The following KCNQ2 variants were observed in gnomAD, a reference collection of about 807,000 sequenced individuals.
KCNQ2 encodes potassium voltage-gated channel subfamily Q member 2.
A neutral mutation model predicts 84.8 loss-of-function variants in KCNQ2; 14 were observed. The observed-to-expected ratio is 0.17, with a 90% CI of 0.11 to 0.26. KCNQ2 has a LOEUF of 0.26. Ranked by LOEUF, KCNQ2 falls within the 10% of genes least tolerant of loss-of-function variation. The probability of loss-of-function intolerance (pLI) is 1.00; values close to 1 mark genes in which losing one functional copy is unlikely to be tolerated. For synonymous variants in KCNQ2, 599 were observed against 554.1 expected (o/e 1.08, Z -1.14); for missense variants, 788 against 1,254.0 (o/e 0.63, Z 5.61).
At chr20:63,448,834 T>TG (rs1180430386) in intron 1 of KCNQ2, among the ~76,000 whole-genome samples, 13 of 152,008 alleles carry the variant, frequency 8.6e-5, no homozygotes, top group Non-Finnish European at 1.3e-4. Context: ...ATGGGCATCC[T>TG]GGGGGGGAGT....
intron 1 of KCNQ2, among the ~76,000 whole-genome samples, chr20:63,458,650 G>A (rs753435502): frequency 2.6e-5 from 4 of 152,270 alleles, no homozygotes; most frequent in Admixed American, 6.5e-5. Context: ...TCGCCCTCCC[G>A]GAGGCAGGAC....
In KCNQ2 at chr20:63,447,893, G is replaced by C. The variant is rs6010937; in HGVS notation, c.297-1056C>G. Among the ~76,000 whole-genome samples, 238 of 152,270 alleles carry C rather than the reference G, an allele frequency of 1.6e-3. 1 individual carries two copies. Among genetic ancestry groups the C allele is most frequent in the African/African-American group, 4.7e-3 (195 of 41,542 alleles). On this transcript the variant is annotated intron_variant, in intron 1 of 16. Transcript: ENST00000359125. ...ATTACAGTCATGAGCTACCATGCTC[G>C]GCCCAAATGCGTGACTTTTTCTCAG...
At chr20:63,439,390 C>T (rs1261496653) in intron 6 of KCNQ2, among the ~76,000 whole-genome samples, 5 of 152,196 alleles carry the variant, frequency 3.3e-5, no homozygotes, top group Admixed American at 2.6e-4. Context: ...ATGCTCCTGT[C>T]GGGGCTGGGG....
chr20:63,408,115 G>A lies in KCNQ2; in HGVS notation c.1887+298C>T, dbSNP rs1030355653. On this transcript the variant is annotated intron_variant, in intron 16 of 16. Coordinates refer to ENST00000359125, the MANE Select transcript of KCNQ2 (RefSeq NM_172107.4). This position sits in a 1 kb window ranked among gnomAD's most constrained non-coding sequence, Gnocchi z 5.0. ...GAAGGCCAGGCAGGTACAACTTCCGGCACGTTCCACAAGGAACCCCTGAGG... is the reference window on the plus strand; with the variant it reads ...GAAGGCCAGGCAGGTACAACTTCCGACACGTTCCACAAGGAACCCCTGAGG... 4.9e-5 allele frequency: 21 copies of A among 426,762 alleles called. 1 individual carries two copies. The highest frequency in any genetic ancestry group is 8.8e-5 in the Non-Finnish European group (20 of 227,938). The allele number at this position is 426,762 out of a possible 1,614,324, so 26.4% of individuals were successfully genotyped here.
chr20:63,467,166 A>G (rs1006171709), intron 1 of KCNQ2, among the ~76,000 whole-genome samples: 1 of 151,680 alleles, frequency 6.6e-6, no homozygotes, highest in African/African-American at 2.4e-5. Context: ...CGGAGGGCCC[A>G]GGGCACAGGC....
chr20:63,472,378 G>A lies in KCNQ2; in HGVS notation c.86C>T (p.Pro29Leu). The stretch of plus-strand genomic sequence containing the variant: ...GTCCCGGGTGGAGTCGGGCGCGCCG[G>A]GGTCCAGCCCCACGAAGCCCACCTT... ...KLKVGFVGLD[P>L]GAPDSTRDGA... Residue 29 changes from proline to leucine, a missense_variant, in exon 1 of 17, where the codon CCC becomes CTC. Pro to Leu is a moderately conservative substitution (Grantham distance 98). Around this residue, in one of 8 missense-constraint regions of KCNQ2, gnomAD observed 41 missense variants for 41.2 expected, o/e 0.99. Coordinates refer to ENST00000359125, the MANE Select transcript of KCNQ2 (RefSeq NM_172107.4). 6.5e-7 allele frequency: 1 copy of A among 1,535,330 alleles called. No individual in the cohort carries two copies. The highest frequency in any genetic ancestry group is 1.4e-5 in the African/African-American group (1 of 70,976).
intron 1 of KCNQ2, among the ~76,000 whole-genome samples, chr20:63,468,678 C>T (rs1284475386): frequency 1.3e-5 from 2 of 152,264 alleles, no homozygotes; most frequent in Non-Finnish European, 2.9e-5. Flanking sequence ...GCCCCTAAAA[C>T]CCTGGACCCC....
At chr20:63,445,503 C>CCCCCCAAGGG in intron 2 of KCNQ2, 139 bp from the exon 3 acceptor site, 1 of 857,392 alleles carries the variant, frequency 1.2e-6, no homozygotes, top group Non-Finnish European at 1.8e-6. Flanking sequence ...GCAAGCTGAC[C>CCCCCCAAGGG]CCCCCACCCC....
rs761862856 is a variant in KCNQ2 at position 63,445,368 on chromosome 20, C to G, written c.388-4G>C. The G allele has an allele frequency of 6.2e-7, 1 of 1,613,360 alleles. No homozygotes were observed. Among genetic ancestry groups the G allele is most frequent in the Non-Finnish European group, 8.5e-7 (1 of 1,179,808 alleles). On this transcript the variant is annotated splice_polypyrimidine_tract_variant and splice_region_variant and intron_variant, in intron 2 of 16. Coordinates refer to ENST00000359125, the MANE Select transcript of KCNQ2 (RefSeq NM_172107.4). The stretch of plus-strand genomic sequence containing the variant: ...ACACCACGATAGTCACGATTTCCTG[C>G]AGGGGAGGAAAGCTGAGGCCACCTT...
In KCNQ2 at chr20:63,402,015, T is replaced by C; in HGVS notation, c.*4629A>G. 1 of 148,442 alleles carries C rather than the reference T, an allele frequency of 6.7e-6. No homozygotes were observed. The highest frequency in any genetic ancestry group is 1.3e-5 in the Non-Finnish European group (1 of 74,236). 9.2% of individuals were successfully genotyped at this position (148,442 alleles called of 1,614,324 possible). On this transcript the variant is annotated 3_prime_UTR_variant, in exon 17 of 17. Transcript: ENST00000359125. ...CTCCCACCACATCTGCCGGGCACCCTCCATGGCAGGTCCAAGCCCTGTGAA... is the reference window on the plus strand; with the variant it reads ...CTCCCACCACATCTGCCGGGCACCCCCCATGGCAGGTCCAAGCCCTGTGAA...
In KCNQ2 at chr20:63,403,355, G is replaced by C. The variant is rs2145457243; in HGVS notation, c.*3289C>G. ...AGCAGGGTCAAAGAGAAAGACCAGAGACAGAAGGGCTCCAAGGCTGGAAGT... is the reference window on the plus strand; with the variant it reads ...AGCAGGGTCAAAGAGAAAGACCAGACACAGAAGGGCTCCAAGGCTGGAAGT... On this transcript the variant is annotated 3_prime_UTR_variant, in exon 17 of 17. Coordinates refer to ENST00000359125, the MANE Select transcript of KCNQ2 (RefSeq NM_172107.4). 6.6e-6 allele frequency: 1 copy of C among 152,454 alleles called. No homozygotes were observed. Among genetic ancestry groups the C allele is most frequent in the Admixed American group, 6.5e-5 (1 of 15,314 alleles). The allele number at this position is 152,454 out of a possible 1,614,324, so 9.4% of individuals were successfully genotyped here.
intron 12 of KCNQ2, among the ~76,000 whole-genome samples, chr20:63,418,582 A>C (rs1341122816): frequency 6.6e-6 from 1 of 152,170 alleles, no homozygotes; most frequent in Non-Finnish European, 1.5e-5. Context: ...GTCCCCAAGC[A>C]GCCTGACCTC....
chr20:63,436,347 C>G (rs186613499), intron 7 of KCNQ2, among the ~76,000 whole-genome samples: 1 of 152,094 alleles, frequency 6.6e-6, no homozygotes, highest in Non-Finnish European at 1.5e-5. Flanking sequence ...CTGGCTAACA[C>G]GGTGAAACCC....
chr20:63,458,469 A>G (rs2081863343), intron 1 of KCNQ2, among the ~76,000 whole-genome samples: 1 of 151,872 alleles, frequency 6.6e-6, no homozygotes, highest in Non-Finnish European at 1.5e-5. Flanking sequence ...ATCCTCTCCT[A>G]CCCGCAGGTC....
At chr20:63,434,118 G>A (rs547142194) in intron 7 of KCNQ2, 3 of 562,170 alleles carry the variant, frequency 5.3e-6, no homozygotes, top group Middle Eastern at 4.6e-4. Context: ...CTTGTCAGAC[G>A]GTGGGGCCTG....
chr20:63,433,934 G>A (rs781714430), intron 7 of KCNQ2, 31 bp from the exon 8 acceptor site: 3 of 1,605,212 alleles, frequency 1.9e-6, no homozygotes, highest in Non-Finnish European at 2.6e-6. Context: ...CAGTTGGCGA[G>A]GGGCAGGCGG....
At chr20:63,451,339 T>C (rs914526002) in intron 1 of KCNQ2, among the ~76,000 whole-genome samples, 3 of 151,932 alleles carry the variant, frequency 2.0e-5, no homozygotes, top group Non-Finnish European at 4.4e-5. Flanking sequence ...TTTTTCCTCA[T>C]GATGTTAAAC....
intron 15 of KCNQ2, among the ~76,000 whole-genome samples, chr20:63,412,648 G>C (rs2080155340): frequency 6.6e-6 from 1 of 152,198 alleles, no homozygotes; most frequent in South Asian, 2.1e-4. Context: ...CCCGGAGTTG[G>C]GCTGTGACCC....
At chr20:63,411,136 C>G in intron 15 of KCNQ2, 1 of 403,780 alleles carries the variant, frequency 2.5e-6, no homozygotes, top group African/African-American at 2.1e-5. Flanking sequence ...AAAGCCAGCA[C>G]CGGAGCTGCT....
Sources: allele counts gnomAD v4.1 joint callset (sites outside exome capture counted in the v4.1 genomes callset), GRCh38; gene constraint gnomAD v4.1.1; regional missense constraint gnomAD v4.1.1; non-coding constraint Gnocchi (gnomAD v3.1); transcripts MANE v1.5; gene names NCBI Gene and HGNC (gene_info 2026-07-23, HGNC 2026-07-21).